Variants in MAGI1 observed in about 807,000 individuals in gnomAD.
MAGI1 encodes membrane associated guanylate kinase, WW and PDZ domain containing 1.
Under a neutral mutation model 139.9 loss-of-function variants are expected in MAGI1, and 58 were observed. The observed-to-expected ratio is 0.41, with a 90% CI of 0.34 to 0.52. The LOEUF is 0.52. MAGI1 is among the 20% of genes least tolerant of loss of function. The pLI is 0.12. For synonymous variants in MAGI1, 812 were observed against 737.9 expected (o/e 1.10, Z -1.63); for missense variants, 1,874 against 1,901.6 (o/e 0.99, Z 0.27).
At position 65,848,981 on chromosome 3, in the gene MAGI1, T is replaced by G. The variant is rs372564389; in HGVS notation, c.313+189015A>C. On this transcript the variant is annotated intron_variant, in intron 1 of 22. Coordinates refer to ENST00000402939, the MANE Select transcript of MAGI1 (RefSeq NM_001033057.2). ...GCACTCCAAACACTTAACTGGCAGC[T>G]CAAGACTATTCAGAGCATTCTTTTT... Among the ~76,000 whole-genome samples the G allele has an allele frequency of 7.4e-5, 10 of 135,136 alleles. No homozygotes were observed. In the East Asian group the frequency reaches 2.6e-3, roughly 35 times the overall value. The allele number at this position is 135,136 out of a possible 152,430, so 88.7% of individuals were successfully genotyped here.
intron 1 of MAGI1, among the ~76,000 whole-genome samples, chr3:65,670,704 T>G (rs1303005194): frequency 6.6e-6 from 1 of 152,146 alleles, no homozygotes; most frequent in Admixed American, 6.5e-5. Flanking sequence ...TATCCACTGT[T>G]CATCTCTTCC....
chr3:65,410,797 C>T (rs757211122), intron 12 of MAGI1, among the ~76,000 whole-genome samples: 14 of 150,160 alleles, frequency 9.3e-5, no homozygotes, highest in Non-Finnish European at 1.8e-4. Context: ...AAAAATACAA[C>T]GAGATCAGTC....
intron 2 of MAGI1, among the ~76,000 whole-genome samples, chr3:65,516,566 AAC>A (rs1411480191): frequency 6.6e-6 from 1 of 152,118 alleles, no homozygotes; most frequent in African/African-American, 2.4e-5. Context: ...CTATCACCAC[AAC>A]AGAGTTATAA....
intron 12 of MAGI1, among the ~76,000 whole-genome samples, chr3:65,426,111 G>A (rs949602984): frequency 2.0e-5 from 3 of 152,084 alleles, no homozygotes; most frequent in Non-Finnish European, 4.4e-5. Flanking sequence ...GAGAAGAACT[G>A]CCCTTTAAAA....
chr3:65,916,119 C>T (rs1006792073), intron 1 of MAGI1, among the ~76,000 whole-genome samples: 5 of 151,420 alleles, frequency 3.3e-5, no homozygotes, highest in Middle Eastern at 6.8e-3. Flanking sequence ...CAGGCTGGAG[C>T]GCAGTGGCAC....
chr3:65,761,910 GA>G (rs1356917531), intron 1 of MAGI1, among the ~76,000 whole-genome samples: 1 of 152,154 alleles, frequency 6.6e-6, no homozygotes, highest in Non-Finnish European at 1.5e-5. Flanking sequence ...GTCCTGACAA[GA>G]TGAAAAGCTG....
chr3:65,935,106 A>C (rs750435164), intron 1 of MAGI1, among the ~76,000 whole-genome samples: 2 of 152,228 alleles, frequency 1.3e-5, no homozygotes, highest in African/African-American at 2.4e-5. Flanking sequence ...GGTGTTTGGA[A>C]AGGAAGAATA....
intron 1 of MAGI1, among the ~76,000 whole-genome samples, chr3:65,731,328 A>T (rs1484924217): frequency 6.6e-6 from 1 of 152,092 alleles, no homozygotes; most frequent in African/African-American, 2.4e-5. Context: ...ACTTGGCTCC[A>T]GTCGGGTTAA....
At chr3:65,581,217 T>C (rs2081406355) in intron 2 of MAGI1, among the ~76,000 whole-genome samples, 1 of 152,048 alleles carries the variant, frequency 6.6e-6, no homozygotes, top group Non-Finnish European at 1.5e-5. Flanking sequence ...CTTTGAAATG[T>C]TGAGTCAAAA....
At chr3:65,760,847 C>T (rs1244519508) in intron 1 of MAGI1, among the ~76,000 whole-genome samples, 1 of 152,096 alleles carries the variant, frequency 6.6e-6, no homozygotes. Flanking sequence ...ACAGATGAGA[C>T]CCATCTGAGA....
chr3:65,940,661 T>A (rs955908268), intron 1 of MAGI1, among the ~76,000 whole-genome samples: 5 of 152,210 alleles, frequency 3.3e-5, no homozygotes, highest in African/African-American at 1.2e-4. Flanking sequence ...ACGGGTCCCA[T>A]TACTTTTCTA....
intron 2 of MAGI1, among the ~76,000 whole-genome samples, chr3:65,542,034 C>T (rs1275650396): frequency 6.6e-6 from 1 of 152,166 alleles, no homozygotes; most frequent in Non-Finnish European, 1.5e-5. Context: ...ATCCTCTCAG[C>T]CCAAAATCTC....
intron 1 of MAGI1, among the ~76,000 whole-genome samples, chr3:65,963,489 G>A (rs1434439484): frequency 2.6e-5 from 4 of 151,896 alleles, no homozygotes; most frequent in Admixed American, 6.6e-5. Context: ...GGTGTCATGC[G>A]CCTATAGTCC....
chr3:65,401,368 A>ACCCGGC, intron 13 of MAGI1, 71 bp downstream of exon 13: 4 of 1,323,550 alleles, frequency 3.0e-6, no homozygotes, highest in Non-Finnish European at 1.1e-6. Context: ...CACACAGAGT[A>ACCCGGC]CCCTCCCACC....
At chr3:65,727,721 G>T (rs1222037310) in intron 1 of MAGI1, among the ~76,000 whole-genome samples, 1 of 152,096 alleles carries the variant, frequency 6.6e-6, no homozygotes, top group Non-Finnish European at 1.5e-5. Context: ...GAGTAACTAT[G>T]AGTGTCTCCT....
At chr3:65,951,182 T>G (rs920046217) in intron 1 of MAGI1, among the ~76,000 whole-genome samples, 4 of 152,210 alleles carry the variant, frequency 2.6e-5, no homozygotes, top group South Asian at 2.1e-4. Context: ...AATCACTGTT[T>G]TCTCCTCCCA....
intron 1 of MAGI1, among the ~76,000 whole-genome samples, chr3:65,820,916 T>G (rs1052420506): frequency 6.6e-6 from 1 of 152,134 alleles, no homozygotes; most frequent in Non-Finnish European, 1.5e-5. Context: ...ACAGTAATAA[T>G]TCTAATTTTT....
chr3:65,379,475 C>T lies in MAGI1; in HGVS notation c.2781G>A (p.Glu927=). The change falls in exon 17 of 23, where the codon GAG becomes GAA. Residue 927 remains glutamate, a synonymous_variant. Coordinates refer to ENST00000402939, the MANE Select transcript of MAGI1 (RefSeq NM_001033057.2). ...TCTGGCTGCCCTGCGGAGTGCGCTT[C>T]TCTTCTGTCAGCGAGGCCGGCTGGT... is the stretch of plus-strand genomic sequence containing the variant. The part of the protein sequence containing the change: ...SSNQPASLTE[E]KRTPQGSQNS... 6.2e-7 allele frequency: 1 copy of T among 1,614,034 alleles called. No individual in the cohort carries two copies. The highest frequency in any genetic ancestry group is 8.5e-7 in the Non-Finnish European group (1 of 1,179,918).
chr3:65,553,532 G>A (rs1467046954), intron 2 of MAGI1, among the ~76,000 whole-genome samples: 3 of 152,216 alleles, frequency 2.0e-5, no homozygotes, highest in Non-Finnish European at 4.4e-5. Context: ...AACAGACACG[G>A]TGATGAGATA....
Sources: allele counts gnomAD v4.1 joint callset (sites outside exome capture counted in the v4.1 genomes callset), GRCh38; gene constraint gnomAD v4.1.1; transcripts MANE v1.5; gene names NCBI Gene and HGNC (gene_info 2026-07-23, HGNC 2026-07-21).